The following CTNND2 variants were observed in gnomAD, a reference collection of about 807,000 sequenced individuals.
CTNND2 encodes the protein catenin delta 2, also known as catenin delta-2.
In CTNND2, 22 loss-of-function variants were observed where a neutral mutation model predicts 144.4. The observed-to-expected ratio is 0.15, with a 90% CI of 0.11 to 0.22. The LOEUF is 0.22. CTNND2 is among the 10% of genes least tolerant of loss of function. The probability of loss-of-function intolerance (pLI) is 1.00; values close to 1 mark genes in which losing one functional copy is unlikely to be tolerated. For synonymous variants in CTNND2, 751 were observed against 695.6 expected (o/e 1.08, Z -1.25); for missense variants, 1,353 against 1,618.8 (o/e 0.84, Z 2.82).
intron 8 of CTNND2, among the ~76,000 whole-genome samples, chr5:11,356,263 C>G (rs1755867402): frequency 6.6e-6 from 1 of 151,960 alleles, no homozygotes; most frequent in African/African-American, 2.4e-5. Flanking sequence ...GCAAACAGAA[C>G]AAAACTGAAG....
intron 1 of CTNND2, among the ~76,000 whole-genome samples, chr5:11,826,960 G>A (rs1320347233): frequency 6.6e-6 from 1 of 151,812 alleles, no homozygotes; most frequent in African/African-American, 2.4e-5. Flanking sequence ...CCTACACAAC[G>A]GTATCAATGA....
chr5:11,679,046 T>G (rs1232824050), intron 2 of CTNND2, among the ~76,000 whole-genome samples: 5 of 152,076 alleles, frequency 3.3e-5, no homozygotes, highest in Admixed American at 3.3e-4. Flanking sequence ...AAAAGACTTT[T>G]GTTTTTCAGC....
intron 7 of CTNND2, among the ~76,000 whole-genome samples, chr5:11,371,652 C>T (rs934807608): frequency 1.3e-5 from 2 of 152,144 alleles, no homozygotes; most frequent in Non-Finnish European, 2.9e-5. Flanking sequence ...ATTTAAAGGG[C>T]CCCAAAATAT....
At chr5:11,723,393 G>A (rs1786797227) in intron 2 of CTNND2, among the ~76,000 whole-genome samples, 1 of 152,056 alleles carries the variant, frequency 6.6e-6, no homozygotes, top group African/African-American at 2.4e-5. Context: ...TGCAATTTGG[G>A]GGCCTAGGAT....
chr5:11,032,012 T>C (rs1580093294), intron 16 of CTNND2, among the ~76,000 whole-genome samples: 1 of 152,380 alleles, frequency 6.6e-6, no homozygotes, highest in African/African-American at 2.4e-5. Context: ...CTTGTGATCA[T>C]GTAAGCCAAT....
chr5:11,300,271 AACCCCTCCTC>A (rs1469807666), intron 9 of CTNND2, among the ~76,000 whole-genome samples: 1 of 152,156 alleles, frequency 6.6e-6, no homozygotes, highest in Non-Finnish European at 1.5e-5. Flanking sequence ...GATAAGAACC[AACCCCTCCTC>A]CACTGAAAAA....
At chr5:11,710,028 G>C (rs1785934142) in intron 2 of CTNND2, among the ~76,000 whole-genome samples, 1 of 152,108 alleles carries the variant, frequency 6.6e-6, no homozygotes, top group Admixed American at 6.6e-5. Flanking sequence ...TTTATTATAA[G>C]AGATTAACTT....
intron 14 of CTNND2, among the ~76,000 whole-genome samples, chr5:11,109,806 T>A (rs1225997336): frequency 1.3e-5 from 2 of 152,004 alleles, no homozygotes; most frequent in African/African-American, 4.8e-5. Flanking sequence ...ACAAAAGGAA[T>A]CAATCATTAT....
intron 2 of CTNND2, among the ~76,000 whole-genome samples, chr5:11,707,214 T>A (rs1785759202): frequency 6.6e-6 from 1 of 152,152 alleles, no homozygotes; most frequent in Non-Finnish European, 1.5e-5. Flanking sequence ...TTAGTTTTTT[T>A]TGTTGATGAA....
chr5:11,903,679 C>T lies in CTNND2; in HGVS notation c.37+138G>A, dbSNP rs1464003017. 32 of 925,692 alleles carry T rather than the reference C, an allele frequency of 3.5e-5. No homozygotes were observed. Among genetic ancestry groups the T allele is most frequent in the Non-Finnish European group, 8.9e-6 (6 of 672,962 alleles). 57.3% of individuals were successfully genotyped at this position (925,692 alleles called of 1,614,324 possible). ...GGCGCGATCGCGGTCCTCCCCGAGG[C>T]AGGCAGAAACCCCGCAGCAGCCGCC... On this transcript the variant is annotated intron_variant, in intron 1 of 21. Coordinates refer to ENST00000304623, the MANE Select transcript of CTNND2 (RefSeq NM_001332.4). The surrounding 1 kb of genome is among the most constrained non-coding windows in gnomAD (Gnocchi z 5.4).
intron 15 of CTNND2, among the ~76,000 whole-genome samples, chr5:11,090,382 G>T (rs1402214890): frequency 6.6e-6 from 1 of 152,242 alleles, no homozygotes; most frequent in Non-Finnish European, 1.5e-5. Flanking sequence ...CTTCCCATTA[G>T]GGCAGAAGGC....
intron 1 of CTNND2, among the ~76,000 whole-genome samples, chr5:11,893,751 A>G (rs1174905494): frequency 6.6e-6 from 1 of 152,208 alleles, no homozygotes; most frequent in Non-Finnish European, 1.5e-5. Flanking sequence ...GTACAAGCTA[A>G]GTACACCCCA....
chr5:11,666,023 C>A (rs1783551321), intron 2 of CTNND2, among the ~76,000 whole-genome samples: 1 of 152,074 alleles, frequency 6.6e-6, no homozygotes, highest in South Asian at 2.1e-4. Context: ...CATGCAGTGA[C>A]CATATGATTA....
intron 18 of CTNND2, among the ~76,000 whole-genome samples, chr5:11,007,674 T>G (rs894498415): frequency 2.0e-5 from 3 of 152,230 alleles, no homozygotes; most frequent in African/African-American, 7.2e-5. Flanking sequence ...TTGGGGCCGT[T>G]TTCAAGGTTG....
intron 11 of CTNND2, among the ~76,000 whole-genome samples, chr5:11,177,426 A>G (rs551434699): frequency 2.0e-5 from 3 of 152,200 alleles, no homozygotes; most frequent in Non-Finnish European, 4.4e-5. Flanking sequence ...GTTCTTAGAC[A>G]GAAAGAAAGG....
At chr5:11,090,117 G>A (rs2907108) in intron 15 of CTNND2, among the ~76,000 whole-genome samples, 22,232 of 152,138 alleles carry the variant, frequency 0.15, 1,999 homozygotes, top group African/African-American at 0.26. Flanking sequence ...GTGTGGTGCT[G>A]GAACCTTTGA....
chr5:11,341,925 A>G (rs1328513901), intron 9 of CTNND2, among the ~76,000 whole-genome samples: 1 of 152,168 alleles, frequency 6.6e-6, no homozygotes, highest in African/African-American at 2.4e-5. Flanking sequence ...TGGGAGGATC[A>G]TTTGAGCCTG....
intron 3 of CTNND2, among the ~76,000 whole-genome samples, chr5:11,423,371 TC>T (rs1449610633): frequency 6.6e-6 from 1 of 152,202 alleles, no homozygotes; most frequent in Non-Finnish European, 1.5e-5. Flanking sequence ...AGGTGGATTA[TC>T]CATAACTGAT....
At chr5:11,151,915 T>C (rs892655025) in intron 12 of CTNND2, among the ~76,000 whole-genome samples, 2 of 152,286 alleles carry the variant, frequency 1.3e-5, no homozygotes. Context: ...ATGATACTCC[T>C]TTTGGGGAAG....
Sources: allele counts gnomAD v4.1 joint callset (sites outside exome capture counted in the v4.1 genomes callset), GRCh38; gene constraint gnomAD v4.1.1; non-coding constraint Gnocchi (gnomAD v3.1); transcripts MANE v1.5; gene names NCBI Gene and HGNC (gene_info 2026-07-23, HGNC 2026-07-21).